The following PCDHA8 variants were observed in gnomAD, a reference collection of about 807,000 sequenced individuals.
The protein encoded by PCDHA8 is protocadherin alpha 8.
PCDHA8 carries 53 observed loss-of-function variants against 61.8 expected under a neutral mutation model. The ratio of observed to expected loss-of-function variants is 0.86; its 90% CI spans 0.69 to 1.08. The LOEUF (loss-of-function observed/expected upper bound fraction) is 1.08, where lower values mean the gene tolerates loss of function less well. Ranked by LOEUF, PCDHA8 falls within the 50% of genes least tolerant of loss-of-function variation. PCDHA8 has a pLI of 0.00. For synonymous variants in PCDHA8, 618 were observed against 556.6 expected, an observed-to-expected ratio of 1.11 and a Z score of -1.55; for missense variants, 1,293 against 1,245.0, an observed-to-expected ratio of 1.04 and a Z score of -0.58.
At chr5:140,875,346 T>A in intron 1 of PCDHA8, 1 of 1,443,436 alleles carries the variant, frequency 6.9e-7, no homozygotes, top group Non-Finnish European at 9.1e-7. Flanking sequence ...GACTCCATAA[T>A]GACTGTGATG....
chr5:140,976,702 A>G (rs782610534), intron 1 of PCDHA8, among the ~76,000 whole-genome samples: 2 of 152,220 alleles, frequency 1.3e-5, no homozygotes, highest in Non-Finnish European at 2.9e-5. Context: ...AATAATGTTG[A>G]CTTTGCATTA....
intron 1 of PCDHA8, chr5:140,875,742 C>T (rs782079077): frequency 3.1e-6 from 5 of 1,614,218 alleles, no homozygotes; most frequent in South Asian, 1.1e-5. Context: ...ATTCTCGGAT[C>T]GACCGCGAGA....
At chr5:140,855,666 A>G (rs2043560136) in intron 1 of PCDHA8, among the ~76,000 whole-genome samples, 2 of 149,632 alleles carry the variant, frequency 1.3e-5, no homozygotes, top group Admixed American at 6.7e-5. Context: ...AGAAATCACT[A>G]CTCTGAGAGT....
chr5:140,998,433 C>CTA (rs2097813622), intron 3 of PCDHA8, among the ~76,000 whole-genome samples: 2 of 152,160 alleles, frequency 1.3e-5, no homozygotes, highest in Admixed American at 1.3e-4. Flanking sequence ...TCCTTTAACA[C>CTA]TATTATTGTA....
intron 1 of PCDHA8, among the ~76,000 whole-genome samples, chr5:140,902,930 A>G (rs1252677303): frequency 1.3e-5 from 2 of 152,190 alleles, no homozygotes; most frequent in Non-Finnish European, 2.9e-5. Context: ...CATGGTGTAT[A>G]TATACCACAT....
chr5:140,969,509 C>T (rs1554231905), intron 1 of PCDHA8: 1 of 1,416,140 alleles, frequency 7.1e-7, no homozygotes, highest in Non-Finnish European at 9.4e-7. Context: ...AAAAATAGCA[C>T]TAAAGAATTG....
rs773891459 is a variant in PCDHA8, at chr5:140,856,191, C to T, written c.2394+12476C>T. The T allele has an allele frequency of 7.5e-6, 12 of 1,598,058 alleles. No homozygotes were observed. The South Asian group carries it at 1.2e-4, about 16-fold the overall frequency. On this transcript the variant is annotated intron_variant, in intron 1 of 3. Transcript: ENST00000531613. ...CACGGCACCTTCGTGGGCCGCATCG[C>T]GCAGGACCTGGGGCTGGAGCTGGCG...
chr5:140,875,242 TA>T, intron 1 of PCDHA8: 2 of 943,026 alleles, frequency 2.1e-6, no homozygotes, highest in Non-Finnish European at 3.0e-6. Flanking sequence ...TGTACTTACA[TA>T]ATCAGTCACA....
At chr5:140,894,140 C>T (rs1004427236) in intron 1 of PCDHA8, among the ~76,000 whole-genome samples, 2 of 151,956 alleles carry the variant, frequency 1.3e-5, no homozygotes, top group Admixed American at 6.6e-5. Context: ...GAAATAATTC[C>T]CTTCTATGTA....
chr5:140,847,399 C>T lies in PCDHA8; in HGVS notation c.2394+3684C>T, dbSNP rs114287755. On this transcript the variant is annotated intron_variant, in intron 1 of 3. Coordinates refer to ENST00000531613, the MANE Select transcript of PCDHA8 (RefSeq NM_018911.3). Reference sequence around the variant, plus strand: ...TAAATATGCAAAAACATTAATGGCACAATAAACACTCACGGTTTTGCCTTT... The same window carrying T: ...TAAATATGCAAAAACATTAATGGCATAATAAACACTCACGGTTTTGCCTTT... 2.4e-3 allele frequency: 361 copies of T among 149,562 alleles called. 12 individuals are homozygous for T. Among genetic ancestry groups the T allele is most frequent in the African/African-American group, 8.0e-3 (327 of 40,902 alleles). 9.3% of individuals were successfully genotyped at this position (149,562 alleles called of 1,614,324 possible).
rs782163731 is a variant in PCDHA8, at chr5:140,869,573, C to A, written c.2394+25858C>A. 8 of 1,614,154 alleles carry A rather than the reference C, an allele frequency of 5.0e-6. No homozygotes were observed. In the East Asian group the frequency reaches 1.8e-4, roughly 36 times the overall value. ...GACTCGCGTTTTCCACTAGAGGGAG[C>A]TTCTGATGCTGACATTGAAGAGAAT... On this transcript the variant is annotated intron_variant, in intron 1 of 3. Coordinates refer to ENST00000531613, the MANE Select transcript of PCDHA8 (RefSeq NM_018911.3).
chr5:140,958,015 C>A (rs573406509), intron 1 of PCDHA8, among the ~76,000 whole-genome samples: 1 of 151,796 alleles, frequency 6.6e-6, no homozygotes, highest in Non-Finnish European at 1.5e-5. Context: ...TTCTATCAGC[C>A]AAGTATACTA....
chr5:140,981,969 T>C (rs1438723039), intron 2 of PCDHA8, among the ~76,000 whole-genome samples: 1 of 152,146 alleles, frequency 6.6e-6, no homozygotes, highest in African/African-American at 2.4e-5. Context: ...ATAAAAGATA[T>C]AGAAAGAGTA....
intron 1 of PCDHA8, chr5:140,928,846 C>A: frequency 1.2e-6 from 2 of 1,614,192 alleles, no homozygotes; most frequent in Non-Finnish European, 1.7e-6. Context: ...CTCTGTCACT[C>A]TGGGTGTGCT....
At chr5:140,858,338 A>G (rs1323713253) in intron 1 of PCDHA8, 2 of 1,595,638 alleles carry the variant, frequency 1.3e-6, no homozygotes, top group African/African-American at 2.7e-5. Context: ...GGGCCTGCCC[A>G]AGGCGGACCT....
chr5:140,976,927 G>A (rs1322531610), intron 1 of PCDHA8, among the ~76,000 whole-genome samples: 2 of 152,184 alleles, frequency 1.3e-5, no homozygotes, highest in Admixed American at 1.3e-4. Context: ...CTAGTACTGT[G>A]TAGCTACTTA....
intron 3 of PCDHA8, among the ~76,000 whole-genome samples, chr5:141,003,650 A>G (rs2098132767): frequency 6.6e-6 from 1 of 152,170 alleles, no homozygotes; most frequent in Admixed American, 6.5e-5. Flanking sequence ...GAAGATCTGT[A>G]TGCATTTATT....
At chr5:140,884,656 G>GA (rs1317691755) in intron 1 of PCDHA8, 2 of 1,602,060 alleles carry the variant, frequency 1.2e-6, no homozygotes, top group Non-Finnish European at 1.7e-6. Flanking sequence ...CAGAATGCTT[G>GA]AAAGAGGTAA....
chr5:140,978,849 T>C, intron 1 of PCDHA8, 100 bp from the exon 2 acceptor site: 7 of 1,577,036 alleles, frequency 4.4e-6, no homozygotes, highest in Non-Finnish European at 5.2e-6. Flanking sequence ...CTTTTTTAGA[T>C]GCCTGGAAAT....
Sources: gnomAD v4.1 joint callset for allele counts (sites outside exome capture counted in the v4.1 genomes callset) on GRCh38, gnomAD v4.1.1 for gene constraint, MANE v1.5 for transcripts, NCBI Gene and HGNC (gene_info 2026-07-23, HGNC 2026-07-21) for gene names.